VWC2L: variants seen among roughly 807,000 people sequenced by gnomAD.
VWC2L encodes von Willebrand factor C domain-containing protein 2-like.
A neutral mutation model predicts 21.6 loss-of-function variants in VWC2L; 10 were observed. The observed-to-expected ratio is 0.46, with a 90% CI of 0.29 to 0.78. The LOEUF is 0.78. Among genes scored for constraint, VWC2L ranks in the 30% least tolerant of loss-of-function variants. The pLI, the probability that VWC2L is intolerant of heterozygous loss-of-function variation, is 0.10. For missense variants in VWC2L, 209 were observed against 277.1 expected, an observed-to-expected ratio of 0.75 and a Z score of 1.74; for synonymous variants, 96 against 94.3, an observed-to-expected ratio of 1.02 and a Z score of -0.10.
chr2:214,480,980 T>C (rs778382432), intron 3 of VWC2L, among the ~76,000 whole-genome samples: 10 of 151,784 alleles, frequency 6.6e-5, no homozygotes, highest in Non-Finnish European at 1.5e-4. Flanking sequence ...TTGTTTACTA[T>C]TATAACCTAA....
chr2:214,492,466 A>G (rs1055624170), intron 3 of VWC2L, among the ~76,000 whole-genome samples: 12 of 152,226 alleles, frequency 7.9e-5, no homozygotes, highest in Non-Finnish European at 8.8e-5. Context: ...AAAGAGATCC[A>G]CCAAATCAGC....
chr2:214,542,603 G>A (rs1369414153), intron 3 of VWC2L, among the ~76,000 whole-genome samples: 1 of 152,194 alleles, frequency 6.6e-6, no homozygotes, highest in Non-Finnish European at 1.5e-5. Context: ...TGTCCACCAC[G>A]CAGTGACGGG....
At position 214,569,183 on chromosome 2, in the gene VWC2L, GC is replaced by G. The variant is rs573504251; in HGVS notation, c.521-6488del. ...TCACACAGTTCCAGGGCCTGTGAGG[GC>G]TCTAGTCTTTGTCTGCAATCTTAAG... On this transcript the variant is annotated intron_variant, in intron 3 of 3. Coordinates refer to ENST00000312504, the MANE Select transcript of VWC2L (RefSeq NM_001080500.4). Among the ~76,000 whole-genome samples, 949 of 152,262 alleles carry G rather than the reference GC, an allele frequency of 6.2e-3. 6 individuals carry two copies. The highest frequency in any genetic ancestry group is 0.01 in the Non-Finnish European group (707 of 68,024).
At chr2:214,459,522 CTCT>C (rs1347821689) in intron 3 of VWC2L, among the ~76,000 whole-genome samples, 2 of 152,130 alleles carry the variant, frequency 1.3e-5, no homozygotes, top group Non-Finnish European at 2.9e-5. Context: ...TGAATCCTTT[CTCT>C]TCTTCATTTG....
At chr2:214,523,694 C>A (rs774472226) in intron 3 of VWC2L, among the ~76,000 whole-genome samples, 8 of 152,040 alleles carry the variant, frequency 5.3e-5, no homozygotes, top group Admixed American at 1.3e-4. Context: ...CAAAACTTAA[C>A]TGGTTGTGGT....
At chr2:214,564,321 TA>T (rs1690028641) in intron 3 of VWC2L, among the ~76,000 whole-genome samples, 1 of 152,180 alleles carries the variant, frequency 6.6e-6, no homozygotes, top group African/African-American at 2.4e-5. Flanking sequence ...GAAACTATTT[TA>T]AAATTCATAT....
chr2:214,544,709 G>T (rs1024169071), intron 3 of VWC2L, among the ~76,000 whole-genome samples: 2 of 152,122 alleles, frequency 1.3e-5, no homozygotes, highest in Admixed American at 1.3e-4. Flanking sequence ...TATAATAGGG[G>T]ACACTACTAT....
At chr2:214,480,716 G>A (rs963610855) in intron 3 of VWC2L, among the ~76,000 whole-genome samples, 3 of 151,834 alleles carry the variant, frequency 2.0e-5, no homozygotes, top group Non-Finnish European at 4.4e-5. Context: ...CAAGCTCCAG[G>A]AAGGAGCTTG....
chr2:214,559,292 C>A lies in VWC2L; in HGVS notation c.521-16380C>A, dbSNP rs1689926589. Among the ~76,000 whole-genome samples the A allele has an allele frequency of 3.3e-5, 5 of 152,202 alleles. No homozygotes were observed. In the South Asian group the frequency reaches 1.0e-3, roughly 32 times the overall value. On this transcript the variant is annotated intron_variant, in intron 3 of 3. Coordinates refer to ENST00000312504, the MANE Select transcript of VWC2L (RefSeq NM_001080500.4). ...GCAAATCAAAACCACAATGAGAAAC[C>A]ATCTCACACCAGTTAGAATGGCAAC...
intron 3 of VWC2L, among the ~76,000 whole-genome samples, chr2:214,520,712 A>G (rs1185163987): frequency 6.6e-6 from 1 of 152,196 alleles, no homozygotes; most frequent in Non-Finnish European, 1.5e-5. Context: ...TGGTAGACAA[A>G]AAACAGTATT....
intron 2 of VWC2L, among the ~76,000 whole-genome samples, chr2:214,429,910 G>A (rs968281659): frequency 3.3e-5 from 5 of 152,090 alleles, no homozygotes; most frequent in East Asian, 1.9e-4. Flanking sequence ...TGCAACCTCC[G>A]CCTCCTGGGT....
chr2:214,414,344 A>G lies in VWC2L; in HGVS notation c.151A>G (p.Lys51Glu). 1.2e-6 allele frequency: 2 copies of G among 1,613,836 alleles called. No individual in the cohort carries two copies. Among genetic ancestry groups the G allele is most frequent in the South Asian group, 1.1e-5 (1 of 91,062 alleles). Residue 51 changes from lysine to glutamate, a missense_variant, in exon 2 of 4, where the codon AAA becomes GAA. Transcript: ENST00000312504. ...DNLIFDDYRG[K>E]GCVDDSGFVY... ...TCTGATCTTTGATGACTATCGAGGG[A>G]AAGGGTGTGTCGATGACAGCGGCTT...
chr2:214,476,433 G>A (rs1688526840), intron 3 of VWC2L, among the ~76,000 whole-genome samples: 1 of 152,170 alleles, frequency 6.6e-6, no homozygotes, highest in African/African-American at 2.4e-5. Flanking sequence ...TTGGGTTACA[G>A]AGCAGAGTAT....
At chr2:214,475,482 A>G (rs538658259) in intron 3 of VWC2L, among the ~76,000 whole-genome samples, 1 of 152,312 alleles carries the variant, frequency 6.6e-6, no homozygotes, top group East Asian at 1.9e-4. Flanking sequence ...AAAGAAACAT[A>G]GGCACTGAAA....
At chr2:214,510,979 C>A (rs1689042393) in intron 3 of VWC2L, among the ~76,000 whole-genome samples, 1 of 152,212 alleles carries the variant, frequency 6.6e-6, no homozygotes, top group South Asian at 2.1e-4. Flanking sequence ...ACACTTTGAA[C>A]CTATATGTAA....
chr2:214,578,627 C>T lies in VWC2L; in HGVS notation c.*2807C>T, dbSNP rs189466171. 4 of 152,176 alleles carry T rather than the reference C, an allele frequency of 2.6e-5. No homozygotes were observed. Among genetic ancestry groups the T allele is most frequent in the Admixed American group, 1.3e-4 (2 of 15,274 alleles). 9.4% of individuals were successfully genotyped at this position (152,176 alleles called of 1,614,324 possible). On this transcript the variant is annotated 3_prime_UTR_variant, in exon 4 of 4. Transcript: ENST00000312504. ...AGGTCATTGAGAAATTCTTTCCAGA[C>T]TCTGAACAACAGAGCTCTGGTCTCA...
intron 3 of VWC2L, among the ~76,000 whole-genome samples, chr2:214,440,925 A>C (rs1702756077): frequency 6.6e-6 from 1 of 152,162 alleles, no homozygotes; most frequent in South Asian, 2.1e-4. Flanking sequence ...ACTGGAATAC[A>C]CAGTCAGTCA....
intron 3 of VWC2L, among the ~76,000 whole-genome samples, chr2:214,560,372 G>C (rs1689947332): frequency 6.6e-6 from 1 of 152,094 alleles, no homozygotes; most frequent in African/African-American, 2.4e-5. Flanking sequence ...GTGTGTGGGT[G>C]GGTGGGCGTG....
At chr2:214,485,379 G>T (rs1277024783) in intron 3 of VWC2L, among the ~76,000 whole-genome samples, 5 of 152,088 alleles carry the variant, frequency 3.3e-5, no homozygotes, top group African/African-American at 1.2e-4. Flanking sequence ...GTGGTAAAGA[G>T]ACAAGCCTGA....
Sources: gnomAD v4.1 joint callset for allele counts (sites outside exome capture counted in the v4.1 genomes callset) on GRCh38, gnomAD v4.1.1 for gene constraint, MANE v1.5 for transcripts, NCBI Gene and HGNC (gene_info 2026-07-23, HGNC 2026-07-21) for gene names.